ALG6: variants seen among roughly 807,000 people sequenced by gnomAD.
ALG6 encodes the protein dolichyl pyrophosphate Man9GlcNAc2 alpha-1,3-glucosyltransferase.
ALG6 carries 46 observed loss-of-function variants against 66.6 expected under a neutral mutation model. That is an observed-to-expected ratio of 0.69 (90% CI 0.55 to 0.88). The LOEUF (loss-of-function observed/expected upper bound fraction) is 0.88, where lower values mean the gene tolerates loss of function less well. Among genes scored for constraint, ALG6 ranks in the 40% least tolerant of loss-of-function variants. The pLI is 0.00. For missense variants in ALG6, 505 were observed against 586.8 expected, an observed-to-expected ratio of 0.86 and a Z score of 1.44; for synonymous variants, 185 against 203.7, an observed-to-expected ratio of 0.91 and a Z score of 0.78.
At chr1:63,391,936 T>C (rs1185855643) in intron 2 of ALG6, among the ~76,000 whole-genome samples, 1 of 152,202 alleles carries the variant, frequency 6.6e-6, no homozygotes, top group Non-Finnish European at 1.5e-5. Context: ...TCACAGTTCC[T>C]CTATACTTGA....
At chr1:63,405,901 A>G (rs1205196596) in intron 5 of ALG6, among the ~76,000 whole-genome samples, 1 of 151,920 alleles carries the variant, frequency 6.6e-6, no homozygotes, top group Non-Finnish European at 1.5e-5. Context: ...TTAATTAGCA[A>G]AAGTTTATAT....
intron 4 of ALG6, 117 bp downstream of exon 4, chr1:63,402,460 ATTTTTTTT>A (rs760751565): frequency 3.0e-5 from 8 of 262,786 alleles, no homozygotes; most frequent in African/African-American, 8.9e-5. Flanking sequence ...CTGCTATTGT[ATTTTTTTT>A]TTTTTTTTTT....
chr1:63,387,092 T>A (rs547518615), intron 2 of ALG6, among the ~76,000 whole-genome samples: 1 of 152,362 alleles, frequency 6.6e-6, no homozygotes, highest in South Asian at 2.1e-4. Context: ...GTTTGCACTG[T>A]TTCCAAAATT....
At chr1:63,381,764 G>C (rs779985206) in intron 2 of ALG6, among the ~76,000 whole-genome samples, 6 of 152,228 alleles carry the variant, frequency 3.9e-5, no homozygotes, top group Non-Finnish European at 8.8e-5. Flanking sequence ...GGGACTTAAT[G>C]TGTCATTGGA....
At chr1:63,382,737 G>A (rs112203355) in intron 2 of ALG6, among the ~76,000 whole-genome samples, 7,887 of 142,184 alleles carry the variant, frequency 0.055, 316 homozygotes, top group South Asian at 0.11. Context: ...GTGCAGTAGC[G>A]CGATCTCGGC....
intron 6 of ALG6, 73 bp downstream of exon 6, chr1:63,406,472 C>G: frequency 7.8e-7 from 1 of 1,285,182 alleles, no homozygotes; most frequent in Non-Finnish European, 1.1e-6. Flanking sequence ...AAGTATAGAC[C>G]TTAGAGAAGC....
chr1:63,394,109 A>G (rs1175991266), intron 2 of ALG6, among the ~76,000 whole-genome samples: 1 of 152,240 alleles, frequency 6.6e-6, no homozygotes, highest in African/African-American at 2.4e-5. Context: ...ATTAAATACA[A>G]ACACTTCATG....
chr1:63,408,717 C>G (rs976903995), intron 7 of ALG6, among the ~76,000 whole-genome samples: 2 of 152,056 alleles, frequency 1.3e-5, no homozygotes, highest in Non-Finnish European at 2.9e-5. Flanking sequence ...GTAGTATGTC[C>G]CCTGTGATTT....
At chr1:63,387,656 C>T (rs2100396275) in intron 2 of ALG6, among the ~76,000 whole-genome samples, 1 of 146,938 alleles carries the variant, frequency 6.8e-6, no homozygotes, top group South Asian at 2.2e-4. Context: ...GATTCTCCTG[C>T]CTCAGCCTCC....
chr1:63,400,349 G>A lies in ALG6; in HGVS notation c.168-1905G>A, dbSNP rs58818013. Among the ~76,000 whole-genome samples the A allele has an allele frequency of 1.7e-3, 151 of 90,144 alleles. 22 individuals are homozygous for A. Among genetic ancestry groups the A allele is most frequent in the African/African-American group, 7.1e-3 (145 of 20,444 alleles). 59.1% of individuals were successfully genotyped at this position (90,144 alleles called of 152,430 possible). A position where few individuals can be genotyped will look rare whatever the true frequency, so the allele number is the denominator to read the frequency against. ...TATATATATATACGTATATATATAT[G>A]TATATATATATGTATATATATGTAT... On this transcript the variant is annotated intron_variant, in intron 3 of 14. Coordinates refer to ENST00000263440, the MANE Select transcript of ALG6 (RefSeq NM_013339.4).
intron 1 of ALG6, among the ~76,000 whole-genome samples, chr1:63,370,172 A>G (rs1271951974): frequency 1.3e-5 from 2 of 152,090 alleles, no homozygotes; most frequent in Non-Finnish European, 2.9e-5. Flanking sequence ...AAAAAAAAAA[A>G]AAAAGTAAGT....
At position 63,409,809 on chromosome 1, in the gene ALG6, T is replaced by G. The variant is rs550023961; in HGVS notation, c.495-1337T>G. On this transcript the variant is annotated intron_variant, in intron 7 of 14. Coordinates refer to ENST00000263440, the MANE Select transcript of ALG6 (RefSeq NM_013339.4). ...ACTCTAGGATAAGTGGGGAGCAAGC[T>G]GGCCACCACGCATTGAGATGCTTAA... Among the ~76,000 whole-genome samples, 11 of 152,334 alleles carry G rather than the reference T, an allele frequency of 7.2e-5. No individual in the cohort carries two copies. The East Asian group carries it at 2.1e-3, about 29-fold the overall frequency.
intron 2 of ALG6, among the ~76,000 whole-genome samples, chr1:63,378,768 T>C (rs566751819): frequency 3.3e-5 from 5 of 152,194 alleles, no homozygotes; most frequent in South Asian, 2.1e-4. Context: ...CATAATCTCT[T>C]GTATTTTCCA....
rs1165046824 is a variant in ALG6, at chr1:63,385,184, C to CTTTTTTTT, written c.83-11303_83-11296dup. On this transcript the variant is annotated intron_variant, in intron 2 of 14. Coordinates refer to ENST00000263440, the MANE Select transcript of ALG6 (RefSeq NM_013339.4). ...TTTTTATTAAGATCTTTTACTTCTTCTTTTTTTTTTTTTTTTTTTTTTTTT... is the reference window on the plus strand; with the variant it reads ...TTTTTATTAAGATCTTTTACTTCTTCTTTTTTTTTTTTTTTTTTTTTTTTTTTTTTTTT... 4.1e-4 allele frequency among the ~76,000 whole-genome samples: 24 copies of CTTTTTTTT among 58,952 alleles called. 3 individuals carry two copies. The highest frequency in any genetic ancestry group is 5.5e-4 in the East Asian group (1 of 1,830). The allele number at this position is 58,952 out of a possible 152,430, so 38.7% of individuals were successfully genotyped here.
chr1:63,428,659 A>T lies in ALG6; in HGVS notation c.1059-74A>T, dbSNP rs1420617164. ...GCTGAAAATCAGACAGATAAAATGT[A>T]TTTATATTTTTTACAATTAGGAGTT... On this transcript the variant is annotated intron_variant, in intron 12 of 14. Transcript: ENST00000263440. 3 of 1,129,870 alleles carry T rather than the reference A, an allele frequency of 2.7e-6. No individual in the cohort carries two copies. In the African/African-American group the frequency reaches 4.8e-5, roughly 18 times the overall value. 70.0% of individuals were successfully genotyped at this position (1,129,870 alleles called of 1,614,324 possible).
intron 2 of ALG6, among the ~76,000 whole-genome samples, chr1:63,381,610 A>G (rs2100389597): frequency 6.6e-6 from 1 of 151,120 alleles, no homozygotes; most frequent in South Asian, 2.1e-4. Context: ...ACACCACTGG[A>G]CTCCAGCCTG....
At chr1:63,432,328 G>A (rs1209850187) in intron 14 of ALG6, among the ~76,000 whole-genome samples, 1 of 150,146 alleles carries the variant, frequency 6.7e-6, no homozygotes, top group Non-Finnish European at 1.5e-5. Flanking sequence ...CACTAACCTT[G>A]AATTCCTAGG....
At chr1:63,395,905 C>T (rs1032974854) in intron 2 of ALG6, among the ~76,000 whole-genome samples, 2 of 152,114 alleles carry the variant, frequency 1.3e-5, no homozygotes, top group Non-Finnish European at 2.9e-5. Context: ...GATGATTGTG[C>T]CTGTACTGAA....
chr1:63,404,696 A>G (rs1470113239), intron 5 of ALG6, among the ~76,000 whole-genome samples, 155 bp downstream of exon 5: 1 of 152,180 alleles, frequency 6.6e-6, no homozygotes, highest in Non-Finnish European at 1.5e-5. Flanking sequence ...ACATGATCCA[A>G]GACCAAATGT....
Sources: gnomAD v4.1 joint callset for allele counts (sites outside exome capture counted in the v4.1 genomes callset) on GRCh38, gnomAD v4.1.1 for gene constraint, MANE v1.5 for transcripts, NCBI Gene and HGNC (gene_info 2026-07-23, HGNC 2026-07-21) for gene names.